The following KSR1 variants were observed in gnomAD, a reference collection of about 807,000 sequenced individuals.
The protein encoded by KSR1 is kinase suppressor of ras.
Under a neutral mutation model 92.9 loss-of-function variants are expected in KSR1, and 35 were observed. That is an observed-to-expected ratio of 0.38 (90% CI 0.29 to 0.50). KSR1 has a LOEUF of 0.50. Among genes scored for constraint, KSR1 ranks in the 20% least tolerant of loss-of-function variants. The pLI is 0.94. For synonymous variants in KSR1, 467 were observed against 472.6 expected, an observed-to-expected ratio of 0.99 and a Z score of 0.15; for missense variants, 972 against 1,158.5, an observed-to-expected ratio of 0.84 and a Z score of 2.34.
At chr17:27,477,270 A>G (rs948616089) in intron 1 of KSR1, among the ~76,000 whole-genome samples, 1 of 152,166 alleles carries the variant, frequency 6.6e-6, no homozygotes, top group Non-Finnish European at 1.5e-5. Context: ...CCTGTGACTT[A>G]AAGTGCCTAA....
At chr17:27,499,418 G>A (rs1026592846) in intron 1 of KSR1, among the ~76,000 whole-genome samples, 2 of 152,176 alleles carry the variant, frequency 1.3e-5, no homozygotes, top group African/African-American at 2.4e-5. Context: ...GACAACCAGA[G>A]GGGGCAAAAA....
intron 2 of KSR1, among the ~76,000 whole-genome samples, chr17:27,570,463 C>T (rs1312881878): frequency 6.6e-6 from 1 of 152,236 alleles, no homozygotes; most frequent in East Asian, 1.9e-4. Flanking sequence ...TTGAACCCCT[C>T]TCATCTCTTT....
intron 1 of KSR1, among the ~76,000 whole-genome samples, chr17:27,466,036 CT>C (rs1263359350): frequency 6.6e-6 from 1 of 152,232 alleles, no homozygotes; most frequent in Non-Finnish European, 1.5e-5. Flanking sequence ...AGCCATCTCC[CT>C]CCTGAAGATC....
chr17:27,580,832 T>C (rs549511140), intron 3 of KSR1, among the ~76,000 whole-genome samples: 69 of 152,256 alleles, frequency 4.5e-4, no homozygotes, highest in Admixed American at 7.8e-4. Flanking sequence ...AGTGGCGCGA[T>C]CTTGGCTCAC....
At chr17:27,501,264 CTT>C (rs555435353) in intron 1 of KSR1, among the ~76,000 whole-genome samples, 5 of 52,164 alleles carry the variant, frequency 9.6e-5, no homozygotes, top group Admixed American at 2.1e-4. Flanking sequence ...TTTTCTTTTT[CTT>C]TTTTTTTTTT....
chr17:27,617,658 G>C, intron 19 of KSR1: 2 of 491,028 alleles, frequency 4.1e-6, no homozygotes, highest in Non-Finnish European at 7.4e-6. Context: ...CTCCCGAGTA[G>C]CTGGGACTGT....
intron 18 of KSR1, among the ~76,000 whole-genome samples, chr17:27,614,077 C>T (rs940407669): frequency 2.6e-5 from 4 of 152,268 alleles, no homozygotes; most frequent in East Asian, 1.9e-4. Flanking sequence ...GCTGGGATTA[C>T]AGGCATGAGC....
chr17:27,597,691 A>G (rs1027982931), intron 10 of KSR1, among the ~76,000 whole-genome samples: 10 of 152,212 alleles, frequency 6.6e-5, no homozygotes, highest in Non-Finnish European at 1.5e-5. Context: ...AATGGAGATC[A>G]AACCCAAGTC....
At chr17:27,528,558 C>T (rs2070407153) in intron 1 of KSR1, among the ~76,000 whole-genome samples, 1 of 152,074 alleles carries the variant, frequency 6.6e-6, no homozygotes, top group South Asian at 2.1e-4. Flanking sequence ...ACTTCTGGCT[C>T]CTGCTGTTTT....
chr17:27,522,721 C>G (rs1262972097), intron 1 of KSR1, among the ~76,000 whole-genome samples: 1 of 152,124 alleles, frequency 6.6e-6, no homozygotes, highest in East Asian at 1.9e-4. Context: ...CCACCAACCC[C>G]CCAGCAAGTT....
chr17:27,474,661 T>C (rs2068285028), intron 1 of KSR1, among the ~76,000 whole-genome samples: 1 of 152,226 alleles, frequency 6.6e-6, no homozygotes, highest in South Asian at 2.1e-4. Context: ...TACTATTTAT[T>C]TTATCGACAA....
intron 18 of KSR1, among the ~76,000 whole-genome samples, chr17:27,611,861 C>T (rs779015387): frequency 5.3e-5 from 8 of 151,980 alleles, no homozygotes; most frequent in Non-Finnish European, 1.0e-4. Context: ...CTTTTCATTC[C>T]TTTCAGTCTT....
intron 1 of KSR1, among the ~76,000 whole-genome samples, chr17:27,495,689 A>G (rs2068961577): frequency 6.6e-6 from 1 of 152,206 alleles, no homozygotes; most frequent in Non-Finnish European, 1.5e-5. Context: ...TTTCAGAATA[A>G]CAGGGCGAGC....
At chr17:27,477,489 A>C (rs1194502079) in intron 1 of KSR1, among the ~76,000 whole-genome samples, 2 of 152,178 alleles carry the variant, frequency 1.3e-5, no homozygotes, top group East Asian at 3.9e-4. Flanking sequence ...GGCTGAGATT[A>C]GAATTGTAGT....
At chr17:27,497,645 G>C (rs2069036836) in intron 1 of KSR1, among the ~76,000 whole-genome samples, 1 of 152,210 alleles carries the variant, frequency 6.6e-6, no homozygotes, top group Non-Finnish European at 1.5e-5. Context: ...TCTTCTGTAT[G>C]GCACAGATAC....
intron 1 of KSR1, among the ~76,000 whole-genome samples, chr17:27,539,493 A>G (rs927082452): frequency 5.3e-5 from 8 of 152,174 alleles, no homozygotes; most frequent in African/African-American, 1.4e-4. Context: ...GTGCGGACAC[A>G]TCTGTTCCCC....
At chr17:27,520,343 G>T (rs1265955185) in intron 1 of KSR1, among the ~76,000 whole-genome samples, 2 of 152,182 alleles carry the variant, frequency 1.3e-5, no homozygotes, top group African/African-American at 4.8e-5. Context: ...GTTTCTGTAT[G>T]TTATAGGCCA....
At chr17:27,502,744 T>C (rs904127325) in intron 1 of KSR1, among the ~76,000 whole-genome samples, 15 of 152,224 alleles carry the variant, frequency 9.9e-5, no homozygotes, top group Non-Finnish European at 1.9e-4. Context: ...ACTTCAGTTG[T>C]TGGGGGCTGG....
intron 12 of KSR1, 95 bp downstream of exon 12, chr17:27,603,983 T>TCCAG: frequency 7.9e-7 from 1 of 1,269,420 alleles, no homozygotes; most frequent in South Asian, 1.2e-5. Context: ...CCTTTCCATC[T>TCCAG]CCAGCCAGCC....
Sources: gnomAD v4.1 joint callset for allele counts (sites outside exome capture counted in the v4.1 genomes callset) on GRCh38, gnomAD v4.1.1 for gene constraint, MANE v1.5 for transcripts, NCBI Gene and HGNC (gene_info 2026-07-23, HGNC 2026-07-21) for gene names.